The following ELFN1 variants were observed in gnomAD, a reference collection of about 807,000 sequenced individuals.
ELFN1 encodes the protein extracellular leucine rich repeat and fibronectin type III domain containing 1, also known as protein ELFN1.
In ELFN1, 6 loss-of-function variants were observed where a neutral mutation model predicts 7.6. The ratio of observed to expected loss-of-function variants is 0.79; its 90% CI spans 0.43 to 1.56. The LOEUF (loss-of-function observed/expected upper bound fraction) is 1.56. ELFN1 is among the 40% of genes most tolerant of loss of function. ELFN1 has a pLI of 0.01. For synonymous variants in ELFN1, 657 were observed against 588.1 expected, an observed-to-expected ratio of 1.12 and a Z score of -1.70; for missense variants, 1,169 against 1,232.2, an observed-to-expected ratio of 0.95 and a Z score of 0.77.
At chr7:1,706,769 G>T (rs1369073520) in intron 2 of ELFN1, among the ~76,000 whole-genome samples, 2 of 152,234 alleles carry the variant, frequency 1.3e-5, no homozygotes, top group African/African-American at 4.8e-5. Context: ...CTACAGGGTG[G>T]ATGAGTGGGC....
intron 3 of ELFN1, among the ~76,000 whole-genome samples, chr7:1,733,267 C>G (rs575332197): frequency 2.6e-5 from 4 of 152,290 alleles, no homozygotes; most frequent in African/African-American, 9.6e-5. Context: ...ACACCAGTCC[C>G]CGGGACACGC....
intron 3 of ELFN1, among the ~76,000 whole-genome samples, chr7:1,717,854 T>C (rs1033279394): frequency 6.6e-6 from 1 of 152,098 alleles, no homozygotes; most frequent in African/African-American, 2.4e-5. Context: ...GTCCTGCTTC[T>C]CCTCCCTTCC....
At chr7:1,727,516 G>A (rs1780230109) in intron 3 of ELFN1, among the ~76,000 whole-genome samples, 1 of 152,068 alleles carries the variant, frequency 6.6e-6, no homozygotes, top group Non-Finnish European at 1.5e-5. Context: ...TAGAAGGGTA[G>A]CCCCAAGCTG....
intron 1 of ELFN1, among the ~76,000 whole-genome samples, 127 bp from the exon 2 acceptor site, chr7:1,687,931 A>G (rs1337117895): frequency 2.0e-5 from 3 of 151,134 alleles, no homozygotes; most frequent in Non-Finnish European, 2.9e-5. Flanking sequence ...GGGTCTTACT[A>G]TGTTGCCCAG....
intron 3 of ELFN1, among the ~76,000 whole-genome samples, chr7:1,718,432 C>T (rs762687968): frequency 5.9e-5 from 9 of 152,162 alleles, no homozygotes; most frequent in African/African-American, 1.7e-4. Flanking sequence ...TGGGAAGTAG[C>T]ATTGGGGGTG....
Position 1,747,230 on chromosome 7 carries a change from A to G in ELFN1, c.*147A>G. 2 of 965,452 alleles carry G rather than the reference A, an allele frequency of 2.1e-6. No individual in the cohort carries two copies. The highest frequency in any genetic ancestry group is 2.9e-6 in the Non-Finnish European group (2 of 691,826). 59.8% of individuals were successfully genotyped at this position (965,452 alleles called of 1,614,324 possible). On this transcript the variant is annotated 3_prime_UTR_variant, in exon 4 of 4. Transcript: ENST00000424383. ...AGGCGAGGGGGGAGCGAGTGGGGACAGACAAGGGGGACACGTCCCGAGCTC... is the reference window on the plus strand; with the variant it reads ...AGGCGAGGGGGGAGCGAGTGGGGACGGACAAGGGGGACACGTCCCGAGCTC...
upstream of ELFN1, among the ~76,000 whole-genome samples, chr7:1,666,495 C>G (rs1202699976): frequency 6.6e-6 from 1 of 151,996 alleles, no homozygotes; most frequent in East Asian, 2.0e-4. The surrounding 1 kb of genome is among the most constrained non-coding windows in gnomAD (Gnocchi z 7.9). Flanking sequence ...TAGCGGCCGC[C>G]GAGCCTGGGC....
At chr7:1,715,156 C>A (rs1779790951) in intron 3 of ELFN1, among the ~76,000 whole-genome samples, 1 of 152,208 alleles carries the variant, frequency 6.6e-6, no homozygotes, top group African/African-American at 2.4e-5. Flanking sequence ...CGTTCTCTTG[C>A]CCACGGCAGT....
chr7:1,714,213 C>T (rs940218571), intron 3 of ELFN1, among the ~76,000 whole-genome samples: 8 of 152,158 alleles, frequency 5.3e-5, no homozygotes, highest in African/African-American at 1.7e-4. Flanking sequence ...CAAGGGAAAC[C>T]CATCGCCTGT....
intron 1 of ELFN1, among the ~76,000 whole-genome samples, chr7:1,677,646 C>A (rs1429621559): frequency 6.6e-6 from 1 of 151,962 alleles, no homozygotes; most frequent in Non-Finnish European, 1.5e-5. Flanking sequence ...ACCCTCCTGG[C>A]CCCCCCACCC....
chr7:1,704,195 G>A (rs1316923398), intron 2 of ELFN1, among the ~76,000 whole-genome samples: 1 of 152,192 alleles, frequency 6.6e-6, no homozygotes, highest in Non-Finnish European at 1.5e-5. Flanking sequence ...AGCCGGGCAT[G>A]GTGGCCTCTG....
At chr7:1,694,966 C>T (rs568754520) in intron 2 of ELFN1, among the ~76,000 whole-genome samples, 1 of 152,364 alleles carries the variant, frequency 6.6e-6, no homozygotes, top group South Asian at 2.1e-4. Flanking sequence ...GCAGCCTGTG[C>T]CCAGCTGGGA....
At chr7:1,720,578 T>A (rs1292284357) in intron 3 of ELFN1, among the ~76,000 whole-genome samples, 1 of 152,218 alleles carries the variant, frequency 6.6e-6, no homozygotes, top group Non-Finnish European at 1.5e-5. Context: ...GTAGACCAGA[T>A]GGCTCTTTGC....
chr7:1,729,783 G>A (rs1003633778), intron 3 of ELFN1, among the ~76,000 whole-genome samples: 25 of 152,238 alleles, frequency 1.6e-4, no homozygotes, highest in Non-Finnish European at 2.5e-4. Context: ...TACTTCCTGC[G>A]TCTGTTCCTT....
chr7:1,674,601 G>T (rs927979384), intron 1 of ELFN1, among the ~76,000 whole-genome samples: 11 of 152,266 alleles, frequency 7.2e-5, no homozygotes, highest in African/African-American at 2.6e-4. Context: ...CAGTGAGGGG[G>T]GTGGGGAGAG....
chr7:1,701,025 T>C (rs1054861614), intron 2 of ELFN1, among the ~76,000 whole-genome samples: 1 of 152,156 alleles, frequency 6.6e-6, no homozygotes, highest in African/African-American at 2.4e-5. Context: ...GTAGCTGTCG[T>C]GTAGCTTGTG....
intron 3 of ELFN1, among the ~76,000 whole-genome samples, chr7:1,737,344 A>G (rs930531265): frequency 1.1e-4 from 17 of 151,894 alleles, no homozygotes; most frequent in Non-Finnish European, 2.5e-4. Flanking sequence ...TGGACAGAGC[A>G]AGGCCAGGAG....
chr7:1,731,636 G>A (rs12666498), intron 3 of ELFN1, among the ~76,000 whole-genome samples: 21,118 of 152,170 alleles, frequency 0.14, 1,873 homozygotes, highest in South Asian at 0.23. Flanking sequence ...TGCCGATTTC[G>A]GATTGCCTTC....
intron 1 of ELFN1, among the ~76,000 whole-genome samples, chr7:1,672,907 A>G (rs1778794276): frequency 6.6e-6 from 1 of 152,068 alleles, no homozygotes; most frequent in Admixed American, 6.5e-5. Context: ...GGTGGTGCAT[A>G]AATACACGAG....
Sources: allele counts gnomAD v4.1 joint callset (sites outside exome capture counted in the v4.1 genomes callset), GRCh38; gene constraint gnomAD v4.1.1; non-coding constraint Gnocchi (gnomAD v3.1); transcripts MANE v1.5; gene names NCBI Gene and HGNC (gene_info 2026-07-23, HGNC 2026-07-21).